CHN1: variants seen among roughly 807,000 people sequenced by gnomAD.
CHN1 encodes N-chimaerin.
Under a neutral mutation model 59.5 loss-of-function variants are expected in CHN1, and 37 were observed. The ratio of observed to expected loss-of-function variants is 0.62; its 90% CI spans 0.48 to 0.82. The LOEUF (loss-of-function observed/expected upper bound fraction) is 0.82, where lower values mean the gene tolerates loss of function less well. Ranked by LOEUF, CHN1 falls within the 40% of genes least tolerant of loss-of-function variation. The probability of loss-of-function intolerance (pLI) is 0.00; values close to 1 mark genes in which losing one functional copy is unlikely to be tolerated. For synonymous variants in CHN1, 206 were observed against 200.4 expected, an observed-to-expected ratio of 1.03 and a Z score of -0.24; for missense variants, 469 against 571.0, an observed-to-expected ratio of 0.82 and a Z score of 1.82.
Position 174,957,449 on chromosome 2 carries a change from G to C in CHN1, c.20-5247C>G, listed in dbSNP as rs544853578. On this transcript the variant is annotated intron_variant, in intron 1 of 12. Coordinates refer to ENST00000409900, the MANE Select transcript of CHN1 (RefSeq NM_001822.7). ...GCCTCTGCTAGGGTGTGTGTGTTGG[G>C]GGGGGGGGCAGTTAATTATATTGAA... 9.1e-5 allele frequency among the ~76,000 whole-genome samples: 13 copies of C among 143,140 alleles called. 1 individual carries two copies. The highest frequency in any genetic ancestry group is 2.8e-4 in the Admixed American group (4 of 14,482). The allele number at this position is 143,140 out of a possible 152,430, so 93.9% of individuals were successfully genotyped here. A position where few individuals can be genotyped will look rare whatever the true frequency, so the allele number is the denominator to read the frequency against.
chr2:174,846,278 C>A, intron 7 of CHN1: 1 of 1,534,108 alleles, frequency 6.5e-7, no homozygotes, highest in Non-Finnish European at 8.8e-7. Flanking sequence ...TGATAAACCA[C>A]ATTAACACAA....
chr2:174,910,500 A>G (rs1688663738), intron 5 of CHN1, among the ~76,000 whole-genome samples: 1 of 152,158 alleles, frequency 6.6e-6, no homozygotes, highest in Non-Finnish European at 1.5e-5. Context: ...ATTTTAGGCT[A>G]TAGTTCACCT....
At chr2:174,850,341 A>G (rs1301798953) in intron 6 of CHN1, among the ~76,000 whole-genome samples, 1 of 152,216 alleles carries the variant, frequency 6.6e-6, no homozygotes, top group Non-Finnish European at 1.5e-5. Flanking sequence ...AATAAAACCA[A>G]ATGAAGGCAG....
intron 11 of CHN1, chr2:174,802,088 G>A (rs1326692768): frequency 2.8e-5 from 9 of 324,922 alleles, no homozygotes; most frequent in South Asian, 9.1e-5. Flanking sequence ...GACAACTTTC[G>A]AAATTGGACA....
At chr2:174,891,160 A>AAAG (rs1553481639) in intron 5 of CHN1, among the ~76,000 whole-genome samples, 26 of 149,754 alleles carry the variant, frequency 1.7e-4, no homozygotes, top group African/African-American at 5.9e-4. Context: ...AAAAAAAAAA[A>AAAG]AAAAAGAAAA....
At chr2:174,949,245 C>A (rs1276552823) in intron 2 of CHN1, among the ~76,000 whole-genome samples, 1 of 152,178 alleles carries the variant, frequency 6.6e-6, no homozygotes, top group East Asian at 1.9e-4. Flanking sequence ...AACTTAATCA[C>A]ATTTTTTTCT....
intron 6 of CHN1, among the ~76,000 whole-genome samples, chr2:174,864,507 C>A (rs773562772): frequency 1.2e-4 from 19 of 152,134 alleles, no homozygotes; most frequent in Non-Finnish European, 2.6e-4. Context: ...TTAGGTTAAT[C>A]ATTTAATATG....
At chr2:174,945,372 A>G (rs2105404823) in intron 2 of CHN1, 1 of 163,152 alleles carries the variant, frequency 6.1e-6, no homozygotes, top group East Asian at 1.8e-4. Flanking sequence ...CGAACACACT[A>G]TTTATATTGC....
rs933270542 is a variant in CHN1, at chr2:174,844,672, T to G, written c.627+2208A>C. On this transcript the variant is annotated intron_variant, in intron 7 of 12. Coordinates refer to ENST00000409900, the MANE Select transcript of CHN1 (RefSeq NM_001822.7). ...AGCGAGCGTCTGTGTGGGAGAGAAC[T>G]GCACCTGCCACAGAGTCTGGGATGT... Among the ~76,000 whole-genome samples the G allele has an allele frequency of 5.9e-5, 9 of 152,326 alleles. No homozygotes were observed. The East Asian group carries it at 1.3e-3, about 23-fold the overall frequency.
rs1449706118 is a variant in CHN1, at chr2:174,799,516, T to C, written c.*600A>G. On this transcript the variant is annotated 3_prime_UTR_variant, in exon 13 of 13. Coordinates refer to ENST00000409900, the MANE Select transcript of CHN1 (RefSeq NM_001822.7). ...TGCTGTGTTGTACACTTTTTATTGG[T>C]ATGGATAACCTTTATTAAAGTAACA... 3.9e-6 allele frequency: 2 copies of C among 517,492 alleles called. No individual in the cohort carries two copies. The highest frequency in any genetic ancestry group is 8.4e-5 in the East Asian group (2 of 23,774). The allele number at this position is 517,492 out of a possible 1,614,324, so 32.1% of individuals were successfully genotyped here.
chr2:174,984,875 T>C (rs1691287853), intron 1 of CHN1, among the ~76,000 whole-genome samples: 1 of 152,192 alleles, frequency 6.6e-6, no homozygotes, highest in African/African-American at 2.4e-5. Flanking sequence ...GAAACCTGTA[T>C]TGATTCTTTC....
At chr2:174,955,697 T>C (rs1326902870) in intron 1 of CHN1, among the ~76,000 whole-genome samples, 1 of 152,132 alleles carries the variant, frequency 6.6e-6, no homozygotes, top group African/African-American at 2.4e-5. Context: ...GTACACACCA[T>C]GTAATACTAA....
intron 5 of CHN1, among the ~76,000 whole-genome samples, chr2:174,891,969 A>G (rs1688066194): frequency 6.6e-6 from 1 of 152,246 alleles, no homozygotes. Context: ...ATTACTATGA[A>G]TAATTATATG....
intron 7 of CHN1, among the ~76,000 whole-genome samples, chr2:174,834,677 A>G (rs1225524231): frequency 6.6e-6 from 1 of 152,186 alleles, no homozygotes; most frequent in African/African-American, 2.4e-5. Context: ...TTTAAAAAAA[A>G]CTTTGTAAGA....
chr2:174,955,248 T>C lies in CHN1; in HGVS notation c.20-3046A>G, dbSNP rs372833427. On this transcript the variant is annotated intron_variant, in intron 1 of 12. Transcript: ENST00000409900. ...ATAGATATAGATATATAGAGATAAA[T>C]AGATAGACATATATATATACACACC... Among the ~76,000 whole-genome samples, 5 of 148,818 alleles carry C rather than the reference T, an allele frequency of 3.4e-5. No individual in the cohort carries two copies. In the East Asian group the frequency reaches 7.8e-4, roughly 23 times the overall value.
At chr2:175,000,137 ATTTT>A (rs71031080) in intron 1 of CHN1, among the ~76,000 whole-genome samples, 3 of 111,974 alleles carry the variant, frequency 2.7e-5, no homozygotes, top group African/African-American at 3.8e-5. Context: ...CACCTGGCTA[ATTTT>A]TTTTTTTTTT....
At chr2:174,861,656 T>C (rs1054017054) in intron 6 of CHN1, among the ~76,000 whole-genome samples, 18 of 152,346 alleles carry the variant, frequency 1.2e-4, no homozygotes, top group African/African-American at 3.6e-4. Context: ...GCAGTCAAAA[T>C]GTATGCAGAA....
intron 5 of CHN1, among the ~76,000 whole-genome samples, chr2:174,880,250 G>A (rs546513576): frequency 1.3e-5 from 2 of 152,170 alleles, no homozygotes; most frequent in South Asian, 2.1e-4. Context: ...GCTTCAAAGG[G>A]TAAAAATAAA....
At chr2:174,935,830 G>A (rs879769942) in intron 3 of CHN1, among the ~76,000 whole-genome samples, 1 of 152,078 alleles carries the variant, frequency 6.6e-6, no homozygotes, top group Non-Finnish European at 1.5e-5. Flanking sequence ...CTACTCAGGA[G>A]GCTGAGGTAG....
Sources: gnomAD v4.1 joint callset for allele counts (sites outside exome capture counted in the v4.1 genomes callset) on GRCh38, gnomAD v4.1.1 for gene constraint, MANE v1.5 for transcripts, NCBI Gene and HGNC (gene_info 2026-07-23, HGNC 2026-07-21) for gene names.